CLUAP1: variants seen among roughly 807,000 people sequenced by gnomAD.
CLUAP1 encodes clusterin-associated protein 1.
CLUAP1 carries 50 observed loss-of-function variants against 55.0 expected under a neutral mutation model. That is an observed-to-expected ratio of 0.91 (90% CI 0.72 to 1.15). CLUAP1 has a LOEUF of 1.15. CLUAP1 is among the 50% of genes most tolerant of loss of function. CLUAP1 has a pLI of 0.00. For synonymous variants in CLUAP1, 195 were observed against 175.4 expected (o/e 1.11, Z -0.88); for missense variants, 530 against 507.6 (o/e 1.04, Z -0.42).
intron 3 of CLUAP1, among the ~76,000 whole-genome samples, chr16:3,506,978 C>T (rs533834527): frequency 3.9e-5 from 6 of 151,902 alleles, no homozygotes; most frequent in East Asian, 3.9e-4. Flanking sequence ...GGGCGGATCA[C>T]GAGGTCAGGA....
At chr16:3,529,813 TTA>T (rs1317094021) in intron 9 of CLUAP1, among the ~76,000 whole-genome samples, 2 of 36,672 alleles carry the variant, frequency 5.5e-5, no homozygotes, top group Non-Finnish European at 9.2e-5. Context: ...TATATATATA[TTA>T]TAATATAATA....
intron 11 of CLUAP1, chr16:3,533,865 G>A (rs888699972): frequency 1.3e-5 from 2 of 152,356 alleles, no homozygotes; most frequent in African/African-American, 2.4e-5. Flanking sequence ...AGCAGAGGGA[G>A]TGTGGCGTGG....
At chr16:3,496,730 C>G (rs1482516867), upstream of CLUAP1, 1 of 528,362 alleles carries the variant, frequency 1.9e-6, no homozygotes, top group Non-Finnish European at 3.8e-6. Flanking sequence ...GAAGTTCGAG[C>G]GCGCCAGAGG....
rs1230446268 is a variant in CLUAP1 at position 3,538,457 on chromosome 16, A to ATGTTACAGATTT, written c.*2186_*2187insTGTTACAGATTT. On this transcript the variant is annotated 3_prime_UTR_variant, in exon 12 of 12. Transcript: ENST00000576634. ...AGACACCGTGGCTCTAAGATGCGGA[A>ATGTTACAGATTT]GAGTCACTGCATCTTCTTGAATGTT... 2 of 152,242 alleles carry ATGTTACAGATTT rather than the reference A, an allele frequency of 1.3e-5. No individual in the cohort carries two copies. The highest frequency in any genetic ancestry group is 2.1e-4 in the South Asian group (1 of 4,832). The allele number at this position is 152,242 out of a possible 1,614,324, so 9.4% of individuals were successfully genotyped here.
At chr16:3,514,345 T>A (rs1232817685) in intron 5 of CLUAP1, among the ~76,000 whole-genome samples, 1 of 152,230 alleles carries the variant, frequency 6.6e-6, no homozygotes, top group Non-Finnish European at 1.5e-5. Context: ...TGTGTAGTCA[T>A]GATCCGAGGA....
chr16:3,526,325 C>A, intron 8 of CLUAP1, 87 bp from the exon 9 acceptor site: 1 of 787,470 alleles, frequency 1.3e-6, no homozygotes, highest in Non-Finnish European at 1.9e-6. Flanking sequence ...GTAGCACAAA[C>A]TTAGCAGTCC....
intron 11 of CLUAP1, chr16:3,533,209 G>T: frequency 7.2e-7 from 1 of 1,397,792 alleles, no homozygotes; most frequent in Non-Finnish European, 9.8e-7. Context: ...GCCCTCCCGG[G>T]GCCAGCCAGG....
At chr16:3,519,837 T>A in intron 6 of CLUAP1, 66 bp from the exon 7 acceptor site, 1 of 1,506,570 alleles carries the variant, frequency 6.6e-7, no homozygotes, top group Non-Finnish European at 8.9e-7. Context: ...AGTTGCAAAA[T>A]TCTTCTAAGA....
chr16:3,508,263 T>A (rs2037546752), intron 3 of CLUAP1, 26 bp from the exon 4 acceptor site: 3 of 223,260 alleles, frequency 1.3e-5, no homozygotes, highest in Non-Finnish European at 2.4e-5. Context: ...GGCCTTCAAC[T>A]TTTTTTTTTT....
upstream of CLUAP1, among the ~76,000 whole-genome samples, chr16:3,498,895 AC>A (rs200320234): frequency 2.3e-4 from 33 of 144,388 alleles, no homozygotes; most frequent in African/African-American, 6.4e-4. Flanking sequence ...AACAACAACA[AC>A]AAAAAAAAGT....
At chr16:3,505,040 C>G (rs1183901948) in intron 2 of CLUAP1, among the ~76,000 whole-genome samples, 1 of 152,160 alleles carries the variant, frequency 6.6e-6, no homozygotes, top group Non-Finnish European at 1.5e-5. Flanking sequence ...TCATTCAAGA[C>G]TAGCCTCATC....
intron 11 of CLUAP1, chr16:3,535,333 G>C (rs933382307): frequency 1.3e-5 from 2 of 152,566 alleles, no homozygotes; most frequent in African/African-American, 4.8e-5. Context: ...TGAGGGGAGA[G>C]AGACAGGGCA....
chr16:3,536,443 T>G lies in CLUAP1; in HGVS notation c.*172T>G. 8 of 616,304 alleles carry G rather than the reference T, an allele frequency of 1.3e-5. No homozygotes were observed. Among genetic ancestry groups the G allele is most frequent in the Non-Finnish European group, 2.1e-5 (8 of 373,326 alleles). The allele number at this position is 616,304 out of a possible 1,614,324, so 38.2% of individuals were successfully genotyped here. A position where few individuals can be genotyped will look rare whatever the true frequency, so the allele number is the denominator to read the frequency against. ...CTCCTATGTTTGCATTCCATGAAGCTTAAATAAGAATTGAAGCAAATCCCT... is the reference window on the plus strand; with the variant it reads ...CTCCTATGTTTGCATTCCATGAAGCGTAAATAAGAATTGAAGCAAATCCCT... On this transcript the variant is annotated 3_prime_UTR_variant, in exon 12 of 12. Transcript: ENST00000576634.
chr16:3,530,747 A>G, intron 10 of CLUAP1, 72 bp downstream of exon 10: 1 of 1,220,712 alleles, frequency 8.2e-7, no homozygotes, highest in Non-Finnish European at 1.2e-6. Context: ...GGACTGGGGC[A>G]GGCTGCTTAG....
rs2037802122 is a variant in CLUAP1 at position 3,519,982 on chromosome 16, G to A, written c.659G>A (p.Arg220Lys). The A allele has an allele frequency of 6.2e-7, 1 of 1,613,714 alleles. No individual in the cohort carries two copies. Among genetic ancestry groups the A allele is most frequent in the Non-Finnish European group, 8.5e-7 (1 of 1,179,880 alleles). ...AATTTAGAAGCCAAAATCGAAAAGA[G>A]AAAATTAGAACTGGAAAGAAATCGG... ...EANLEAKIEKRKLELERNRKR... is the reference protein window; with the variant it reads ...EANLEAKIEKKKLELERNRKR... The change falls in exon 7 of 12, where the codon AGA becomes AAA. Residue 220 changes from arginine to lysine, a missense_variant. Coordinates refer to ENST00000576634, the MANE Select transcript of CLUAP1 (RefSeq NM_015041.3).
chr16:3,523,220 A>C lies in CLUAP1; in HGVS notation c.776A>C (p.Tyr259Ser). The change falls in exon 8 of 12, where the codon TAT (tyrosine) becomes TCT (serine). Residue 259 changes from tyrosine to serine, a missense_variant. Physicochemically the swap from Tyr to Ser is moderately radical, Grantham distance 144. Coordinates refer to ENST00000576634, the MANE Select transcript of CLUAP1 (RefSeq NM_015041.3). The part of the protein sequence containing the change: ...EEELQKQYDT[Y>S]LEKFQNLTYL... The stretch of plus-strand genomic sequence containing the variant: ...GAATTACAAAAGCAGTATGACACTT[A>C]TCTGGAGAAATTTCAAAATCTGACT... The C allele has an allele frequency of 6.2e-7, 1 of 1,614,046 alleles. No individual in the cohort carries two copies.
chr16:3,519,801 T>G, intron 6 of CLUAP1, 102 bp from the exon 7 acceptor site: 1 of 1,166,110 alleles, frequency 8.6e-7, no homozygotes, highest in Non-Finnish European at 1.2e-6. Flanking sequence ...TTGTGTTTGT[T>G]GAGCATAATG....
upstream of CLUAP1, among the ~76,000 whole-genome samples, chr16:3,497,782 C>G (rs2037329280): frequency 1.3e-5 from 2 of 152,192 alleles, no homozygotes; most frequent in South Asian, 4.2e-4. Context: ...CACCACCAGG[C>G]CTGGCTAATT....
intron 8 of CLUAP1, 27 bp downstream of exon 8, chr16:3,523,326 C>A: frequency 6.3e-7 from 1 of 1,589,898 alleles, no homozygotes; most frequent in Non-Finnish European, 8.5e-7. Context: ...CTCTGTTCAG[C>A]CATTCCTTCT....
Sources: allele counts gnomAD v4.1 joint callset (sites outside exome capture counted in the v4.1 genomes callset), GRCh38; gene constraint gnomAD v4.1.1; transcripts MANE v1.5; gene names NCBI Gene and HGNC (gene_info 2026-07-23, HGNC 2026-07-21).